The following CALN1 variants were observed in gnomAD, a reference collection of about 807,000 sequenced individuals.
CALN1 encodes the protein calcium-binding protein 8.
A neutral mutation model predicts 30.6 loss-of-function variants in CALN1; 17 were observed. That is an observed-to-expected ratio of 0.56 (90% confidence interval 0.38 to 0.83). The LOEUF is 0.83. CALN1 is among the 40% of genes least tolerant of loss of function. The probability of loss-of-function intolerance (pLI) is 0.00; values close to 1 mark genes in which losing one functional copy is unlikely to be tolerated. For synonymous variants in CALN1, 156 were observed against 131.4 expected (o/e 1.19, Z -1.28); for missense variants, 291 against 354.9 (o/e 0.82, Z 1.45).
chr7:72,494,083 C>A, the CALN1 span, among the ~76,000 whole-genome samples: 1 of 151,094 alleles, frequency 6.6e-6, no homozygotes, highest in Non-Finnish European at 1.5e-5. Flanking sequence ...CTCAGCTACT[C>A]AGGAGGCTGA....
At chr7:72,098,746 G>T (rs1806412146) in intron 4 of CALN1, among the ~76,000 whole-genome samples, 1 of 126,504 alleles carries the variant, frequency 7.9e-6, no homozygotes, top group Non-Finnish European at 1.6e-5. Flanking sequence ...ACTCTGAGCA[G>T]TTCAGCCCAT....
intron 3 of CALN1, among the ~76,000 whole-genome samples, chr7:72,230,751 G>C (rs984244279): frequency 6.6e-6 from 1 of 152,124 alleles, no homozygotes; most frequent in Non-Finnish European, 1.5e-5. Context: ...CTCCAGAATT[G>C]AAAGATAATA....
chr7:71,934,462 G>A (rs1405708479), intron 5 of CALN1, among the ~76,000 whole-genome samples: 2 of 152,122 alleles, frequency 1.3e-5, no homozygotes, highest in African/African-American at 4.8e-5. Flanking sequence ...GTATCTACTT[G>A]GCTTCTGGTG....
chr7:72,223,108 C>T (rs918728591), intron 3 of CALN1, among the ~76,000 whole-genome samples: 2 of 152,162 alleles, frequency 1.3e-5, no homozygotes, highest in Non-Finnish European at 2.9e-5. Flanking sequence ...CACTGGGACA[C>T]AGGCAAGGGA....
intron 2 of CALN1, among the ~76,000 whole-genome samples, chr7:72,282,300 C>T (rs1350776273): frequency 1.3e-5 from 2 of 152,196 alleles, no homozygotes; most frequent in Non-Finnish European, 1.5e-5. Context: ...ATATTTTCAA[C>T]AGCAGTTTCA....
intron 4 of CALN1, chr7:72,103,438 TAAGAA>T (rs1164309950): frequency 6.6e-6 from 1 of 152,286 alleles, no homozygotes; most frequent in Non-Finnish European, 1.5e-5. Context: ...CTTACTGAAT[TAAGAA>T]AAGAGGCTCA....
At chr7:72,403,737 T>C (rs1806510862) in intron 1 of CALN1, among the ~76,000 whole-genome samples, 1 of 152,210 alleles carries the variant, frequency 6.6e-6, no homozygotes, top group South Asian at 2.1e-4. Context: ...CTGGAGTATG[T>C]GCAGTGTGGA....
intron 2 of CALN1, among the ~76,000 whole-genome samples, chr7:72,343,257 T>C (rs1374126887): frequency 2.0e-5 from 3 of 152,132 alleles, no homozygotes; most frequent in African/African-American, 4.8e-5. Context: ...GTTAGCAAAA[T>C]TGCTGCCTGT....
intron 4 of CALN1, among the ~76,000 whole-genome samples, chr7:72,050,587 A>T (rs1169006490): frequency 6.6e-6 from 1 of 152,220 alleles, no homozygotes; most frequent in Non-Finnish European, 1.5e-5. Flanking sequence ...CTGATCAATG[A>T]AGAATACAAA....
rs918920325 is a variant in CALN1 at position 72,069,230 on chromosome 7, A to C, written c.388+36921T>G. Among the ~76,000 whole-genome samples, 5 of 152,318 alleles carry C rather than the reference A, an allele frequency of 3.3e-5. No homozygotes were observed. In the East Asian group the frequency reaches 9.7e-4, roughly 29 times the overall value. ...TCAGGATGAGATGTCACAGCCAGGT[A>C]ATGGGTCCCCGCTGCTCAGGCAGAC... On this transcript the variant is annotated intron_variant, in intron 4 of 6. Coordinates refer to ENST00000395275, the MANE Select transcript of CALN1 (RefSeq NM_031468.4).
chr7:72,301,191 G>C (rs1585411501), intron 2 of CALN1, among the ~76,000 whole-genome samples: 1 of 152,272 alleles, frequency 6.6e-6, no homozygotes, highest in African/African-American at 2.4e-5. Flanking sequence ...AGCACACAGA[G>C]TATAGTCCCA....
chr7:71,879,269 T>A (rs1250018255), intron 5 of CALN1, among the ~76,000 whole-genome samples: 1 of 152,208 alleles, frequency 6.6e-6, no homozygotes, highest in African/African-American at 2.4e-5. Context: ...GATGATTATC[T>A]CTGTCCTCTG....
At chr7:72,439,423 A>G (rs1808277584) in intron 1 of CALN1, among the ~76,000 whole-genome samples, 1 of 152,130 alleles carries the variant, frequency 6.6e-6, no homozygotes, top group Admixed American at 6.5e-5. Flanking sequence ...TGATTAACAC[A>G]TATGTTGTGT....
intron 6 of CALN1, among the ~76,000 whole-genome samples, chr7:71,809,335 C>A (rs187016782): frequency 3.9e-5 from 6 of 151,940 alleles, no homozygotes; most frequent in East Asian, 3.9e-4. Context: ...CAGCTCCAAG[C>A]ACACTAGCCT....
chr7:72,337,256 G>C (rs1485199397), intron 2 of CALN1: 1 of 984,944 alleles, frequency 1.0e-6, no homozygotes, highest in Non-Finnish European at 1.2e-6. Context: ...GCCGGCGCCC[G>C]CGTTCAGGAG....
At chr7:72,239,873 T>C (rs1042438961) in intron 3 of CALN1, among the ~76,000 whole-genome samples, 3 of 152,050 alleles carry the variant, frequency 2.0e-5, no homozygotes, top group African/African-American at 7.2e-5. Context: ...TCAAAGTGCC[T>C]CCCCTCCTGA....
chr7:72,035,502 A>T (rs1308094026), intron 4 of CALN1, among the ~76,000 whole-genome samples: 1 of 152,162 alleles, frequency 6.6e-6, no homozygotes, highest in Non-Finnish European at 1.5e-5. Context: ...TTGTTTCCAC[A>T]TGCCTTAAGG....
chr7:72,378,844 A>C (rs571803471), intron 2 of CALN1, among the ~76,000 whole-genome samples: 1 of 152,288 alleles, frequency 6.6e-6, no homozygotes, highest in Non-Finnish European at 1.5e-5. Flanking sequence ...CTGCAATTAC[A>C]GGCATGAGCC....
At chr7:72,010,327 C>T (rs1333400661) in intron 5 of CALN1, among the ~76,000 whole-genome samples, 1 of 152,112 alleles carries the variant, frequency 6.6e-6, no homozygotes, top group Non-Finnish European at 1.5e-5. Flanking sequence ...AGGGCCTTCA[C>T]CAGAACCTTC....
Sources: gnomAD v4.1 joint callset for allele counts (sites outside exome capture counted in the v4.1 genomes callset) on GRCh38, gnomAD v4.1.1 for gene constraint, MANE v1.5 for transcripts, NCBI Gene and HGNC (gene_info 2026-07-23, HGNC 2026-07-21) for gene names.